Variants in DDX10 observed in about 807,000 individuals in gnomAD.
DDX10 encodes the protein probable ATP-dependent RNA helicase DDX10.
DDX10 carries 74 observed loss-of-function variants against 104.3 expected under a neutral mutation model. That is an observed-to-expected ratio of 0.71 (90% CI 0.59 to 0.86). The LOEUF (loss-of-function observed/expected upper bound fraction) is 0.86. Among genes scored for constraint, DDX10 ranks in the 40% least tolerant of loss-of-function variants. The pLI, the probability that DDX10 is intolerant of heterozygous loss-of-function variation, is 0.00. For synonymous variants in DDX10, 351 were observed against 353.4 expected (o/e 0.99, Z 0.08); for missense variants, 952 against 1,040.0 (o/e 0.92, Z 1.16).
intron 16 of DDX10, among the ~76,000 whole-genome samples, chr11:108,899,334 A>G (rs983295180): frequency 6.6e-6 from 1 of 152,090 alleles, no homozygotes; most frequent in Admixed American, 6.5e-5. Context: ...TGATGCCTGA[A>G]GACAGATTTT....
chr11:108,846,154 TTGTA>T (rs766563234), intron 15 of DDX10, among the ~76,000 whole-genome samples: 34 of 152,222 alleles, frequency 2.2e-4, no homozygotes, highest in Admixed American at 3.9e-4. Context: ...CACATAATAA[TTGTA>T]TGTATGGGGT....
intron 16 of DDX10, among the ~76,000 whole-genome samples, chr11:108,893,470 C>G (rs1863401915): frequency 6.6e-6 from 1 of 151,790 alleles, no homozygotes; most frequent in Non-Finnish European, 1.5e-5. Context: ...TAAATATGTG[C>G]TAGACATTGT....
chr11:108,873,378 CTTTTCACTG>C (rs1391132871), intron 16 of DDX10, among the ~76,000 whole-genome samples: 1 of 152,092 alleles, frequency 6.6e-6, no homozygotes, highest in Non-Finnish European at 1.5e-5. Context: ...CTCTTTCTTC[CTTTTCACTG>C]TCAGCTTTAG....
chr11:108,877,819 A>G (rs777769982), intron 16 of DDX10, among the ~76,000 whole-genome samples: 11 of 152,134 alleles, frequency 7.2e-5, no homozygotes, highest in Non-Finnish European at 1.5e-4. Flanking sequence ...TTGCTTTGCC[A>G]TTTGTTGTAG....
chr11:108,893,698 T>G (rs1451413535), intron 16 of DDX10, among the ~76,000 whole-genome samples: 2 of 152,058 alleles, frequency 1.3e-5, no homozygotes, highest in Non-Finnish European at 2.9e-5. Context: ...TAATTACATA[T>G]GGATAGGTGA....
chr11:108,885,950 G>A (rs1177738749), intron 16 of DDX10, among the ~76,000 whole-genome samples: 5 of 152,166 alleles, frequency 3.3e-5, no homozygotes, highest in Admixed American at 3.3e-4. Context: ...TAAGGGAAAA[G>A]ATTTTACTGG....
At chr11:108,739,244 G>A (rs556052632) in intron 13 of DDX10, among the ~76,000 whole-genome samples, 10 of 152,214 alleles carry the variant, frequency 6.6e-5, no homozygotes, top group Admixed American at 5.9e-4. Context: ...TGTTTTTGTC[G>A]GCTTCTCCCA....
intron 13 of DDX10, among the ~76,000 whole-genome samples, chr11:108,769,143 C>A (rs2094359829): frequency 6.6e-6 from 1 of 151,176 alleles, no homozygotes; most frequent in African/African-American, 2.4e-5. Context: ...TTCATATTTC[C>A]TGTGTCTGAG....
intron 17 of DDX10, 72 bp downstream of exon 17, chr11:108,918,090 CATT>C (rs771878958): frequency 1.5e-5 from 22 of 1,452,288 alleles, no homozygotes; most frequent in Middle Eastern, 3.6e-4. Context: ...ATCCAAAAGA[CATT>C]ACTAAGAGTT....
chr11:108,849,214 CT>C (rs1862760104), intron 15 of DDX10, among the ~76,000 whole-genome samples: 1 of 152,044 alleles, frequency 6.6e-6, no homozygotes, highest in African/African-American at 2.4e-5. Flanking sequence ...CTCTTGCTTA[CT>C]TTTGTTAAGC....
intron 16 of DDX10, among the ~76,000 whole-genome samples, chr11:108,869,846 A>G (rs1397469406): frequency 6.6e-6 from 1 of 152,126 alleles, no homozygotes; most frequent in Non-Finnish European, 1.5e-5. Flanking sequence ...GAAATGGAAG[A>G]ACTTCATTCT....
chr11:108,721,735 T>C (rs1209765875), intron 12 of DDX10, among the ~76,000 whole-genome samples: 1 of 152,262 alleles, frequency 6.6e-6, no homozygotes, highest in Non-Finnish European at 1.5e-5. Flanking sequence ...ATGTAAGATA[T>C]ATTAAAGGTT....
In DDX10 at chr11:108,719,925, G is replaced by A. The variant is rs12284874; in HGVS notation, c.1499+40G>A. On this transcript the variant is annotated intron_variant, in intron 12 of 17. Coordinates refer to ENST00000322536, the MANE Select transcript of DDX10 (RefSeq NM_004398.4). ...TATAGTTGTAATAGTGAATCCTCAAGGTTAGAGGGAATTAATTAATTAATT... is the reference window on the plus strand; with the variant it reads ...TATAGTTGTAATAGTGAATCCTCAAAGTTAGAGGGAATTAATTAATTAATT... The A allele has an allele frequency of 1.5e-3, 1,734 of 1,180,824 alleles. 17 individuals are homozygous for A. The African/African-American group carries it at 0.023, about 16-fold the overall frequency. The allele number at this position is 1,180,824 out of a possible 1,614,324, so 73.1% of individuals were successfully genotyped here. A position where few individuals can be genotyped will look rare whatever the true frequency, so the allele number is the denominator to read the frequency against.
chr11:108,753,140 A>G (rs201286713), intron 13 of DDX10, among the ~76,000 whole-genome samples: 5 of 117,876 alleles, frequency 4.2e-5, no homozygotes, highest in Non-Finnish European at 9.7e-5. Context: ...TGCAAACCAA[A>G]TGTGTGTTTA....
chr11:108,672,952 G>T (rs548702931), intron 1 of DDX10, among the ~76,000 whole-genome samples: 1 of 152,326 alleles, frequency 6.6e-6, no homozygotes, highest in South Asian at 2.1e-4. Flanking sequence ...TAGTTATCAG[G>T]TTGGATTTCA....
At chr11:108,795,277 A>ATT (rs559914594) in intron 13 of DDX10, among the ~76,000 whole-genome samples, 5 of 131,234 alleles carry the variant, frequency 3.8e-5, no homozygotes, top group African/African-American at 8.4e-5. Flanking sequence ...GGGCCTGGAA[A>ATT]TTTTTTTTTT....
intron 13 of DDX10, among the ~76,000 whole-genome samples, chr11:108,747,923 A>G (rs2094333805): frequency 6.6e-6 from 1 of 152,126 alleles, no homozygotes; most frequent in Admixed American, 6.5e-5. Context: ...TCAGATAGAG[A>G]CAGACACATA....
At position 108,745,048 on chromosome 11, in the gene DDX10, TCC is replaced by T. The variant is rs1491476767; in HGVS notation, c.1965+21590_1965+21591del. Among the ~76,000 whole-genome samples the T allele has an allele frequency of 1.0e-4, 9 of 87,006 alleles. No individual in the cohort carries two copies. The East Asian group carries it at 3.9e-3, about 38-fold the overall frequency. The allele number at this position is 87,006 out of a possible 152,430, so 57.1% of individuals were successfully genotyped here. Reference sequence around the variant, plus strand: ...GGAAAATTACTTTTTCCTTCCCCCTTCCCCCTTCCCCCTTCCCCCTTCCCCCT... The same window carrying T: ...GGAAAATTACTTTTTCCTTCCCCCTTCCCTTCCCCCTTCCCCCTTCCCCCT... On this transcript the variant is annotated intron_variant, in intron 13 of 17. Coordinates refer to ENST00000322536, the MANE Select transcript of DDX10 (RefSeq NM_004398.4).
At chr11:108,851,262 A>G (rs935941993) in intron 15 of DDX10, among the ~76,000 whole-genome samples, 8 of 152,162 alleles carry the variant, frequency 5.3e-5, no homozygotes, top group African/African-American at 1.4e-4. Context: ...CTACAAATAC[A>G]TGTATCCACA....
Sources: allele counts gnomAD v4.1 joint callset (sites outside exome capture counted in the v4.1 genomes callset), GRCh38; gene constraint gnomAD v4.1.1; transcripts MANE v1.5; gene names NCBI Gene and HGNC (gene_info 2026-07-23, HGNC 2026-07-21).